NLGN1: variants seen among roughly 807,000 people sequenced by gnomAD.
The protein encoded by NLGN1 is neuroligin 1, also known as neuroligin-1.
A neutral mutation model predicts 65.5 loss-of-function variants in NLGN1; 12 were observed. The observed-to-expected ratio is 0.18, with a 90% CI of 0.12 to 0.30. The LOEUF (loss-of-function observed/expected upper bound fraction) is 0.30. NLGN1 is among the 10% of genes least tolerant of loss of function. The probability of loss-of-function intolerance (pLI) is 1.00; values close to 1 mark genes in which losing one functional copy is unlikely to be tolerated. For synonymous variants in NLGN1, 350 were observed against 359.5 expected (o/e 0.97, Z 0.30); for missense variants, 750 against 1,007.1 (o/e 0.74, Z 3.46).
Position 174,156,918 on chromosome 3 carries a change from C to A in NLGN1, c.647-118397C>A, listed in dbSNP as rs527570293. 1.1e-4 allele frequency among the ~76,000 whole-genome samples: 16 copies of A among 151,128 alleles called. No individual in the cohort carries two copies. In the East Asian group the frequency reaches 3.1e-3, roughly 29 times the overall value. On this transcript the variant is annotated intron_variant, in intron 4 of 6. Transcript: ENST00000457714. ...TATCCCACTATCATTTGCATAGATT[C>A]ATTTTAAATTGCGTGATTTTAAAAA...
At chr3:173,810,179 A>T (rs1045098756) in intron 4 of NLGN1, among the ~76,000 whole-genome samples, 2 of 152,230 alleles carry the variant, frequency 1.3e-5, no homozygotes, top group African/African-American at 4.8e-5. Flanking sequence ...ATTAATTCAT[A>T]AAAAAGAAAT....
In NLGN1 at chr3:173,446,501, T is replaced by C. The variant is rs551686412; in HGVS notation, c.-321+11423T>C. Among the ~76,000 whole-genome samples the C allele has an allele frequency of 2.6e-4, 40 of 152,358 alleles. 1 individual carries two copies. The South Asian group carries it at 7.9e-3, about 30-fold the overall frequency. ...TTGGGTTGGTTCTAAGTCTTTGCTA[T>C]TGTGAATAGTGCCGCAATAAACATA... On this transcript the variant is annotated intron_variant, in intron 2 of 6. Coordinates refer to ENST00000457714, the Ensembl canonical transcript of NLGN1.
rs541183452 is a variant in NLGN1, at chr3:174,144,010, G to A, written c.647-131305G>A. Among the ~76,000 whole-genome samples, 27 of 152,168 alleles carry A rather than the reference G, an allele frequency of 1.8e-4. No homozygotes were observed. The South Asian group carries it at 5.6e-3, about 32-fold the overall frequency. ...TATACACGTGACATGGTGGTTTGCT[G>A]CACCCATCAACCCATCATCTACATT... On this transcript the variant is annotated intron_variant, in intron 4 of 6. Coordinates refer to ENST00000457714, the Ensembl canonical transcript of NLGN1.
chr3:173,509,992 A>G (rs1220471275), intron 2 of NLGN1, among the ~76,000 whole-genome samples: 1 of 152,240 alleles, frequency 6.6e-6, no homozygotes, highest in Non-Finnish European at 1.5e-5. Flanking sequence ...TTCAGTGCAC[A>G]GAACAGCAGT....
chr3:173,751,764 C>T (rs1776329132), intron 3 of NLGN1, among the ~76,000 whole-genome samples: 1 of 151,950 alleles, frequency 6.6e-6, no homozygotes, highest in Admixed American at 6.6e-5. Context: ...ATAGTAATAG[C>T]TACTAAGCAC....
chr3:173,629,856 G>A (rs1440649948), intron 3 of NLGN1, among the ~76,000 whole-genome samples: 2 of 151,978 alleles, frequency 1.3e-5, no homozygotes, highest in Non-Finnish European at 1.5e-5. Flanking sequence ...TATCAGACTT[G>A]TACAATTTTC....
At chr3:174,072,874 C>A (rs982852122) in intron 4 of NLGN1, among the ~76,000 whole-genome samples, 2 of 151,990 alleles carry the variant, frequency 1.3e-5, no homozygotes, top group African/African-American at 4.8e-5. Context: ...ATGTCCATAC[C>A]TATGAAGTAG....
intron 1 of NLGN1, among the ~76,000 whole-genome samples, chr3:173,400,174 A>T (rs555059641): frequency 6.6e-6 from 1 of 152,214 alleles, no homozygotes; most frequent in Non-Finnish European, 1.5e-5. Context: ...TGGATTGTCA[A>T]TAGGAAGATA....
chr3:173,503,002 CA>C (rs1342717614), intron 2 of NLGN1, among the ~76,000 whole-genome samples: 3 of 151,914 alleles, frequency 2.0e-5, no homozygotes, highest in Non-Finnish European at 4.4e-5. Context: ...AGACCTTTTG[CA>C]ACTTATACAG....
In NLGN1 at chr3:174,093,030, C is replaced by A. The variant is rs1744822923; in HGVS notation, c.647-182285C>A. 2.0e-5 allele frequency among the ~76,000 whole-genome samples: 3 copies of A among 152,136 alleles called. No homozygotes were observed. In the South Asian group the frequency reaches 6.2e-4, roughly 32 times the overall value. On this transcript the variant is annotated intron_variant, in intron 4 of 6. Coordinates refer to ENST00000457714, the Ensembl canonical transcript of NLGN1. ...AGCCAGTCCCATGGGCCATACCTAA[C>A]AACAGTGAATGCAAAGAATAAATCA...
At chr3:173,950,160 A>G (rs1747928033) in intron 4 of NLGN1, among the ~76,000 whole-genome samples, 2 of 152,176 alleles carry the variant, frequency 1.3e-5, no homozygotes, top group South Asian at 2.1e-4. Context: ...AATTTATACT[A>G]AAACTTTAAA....
At chr3:174,071,717 CAAAAA>C (rs539244392) in intron 4 of NLGN1, among the ~76,000 whole-genome samples, 1 of 93,012 alleles carries the variant, frequency 1.1e-5, no homozygotes, top group Non-Finnish European at 2.4e-5. Context: ...GACCCTGTCC[CAAAAA>C]AAAAAAAAAA....
chr3:174,146,128 C>A (rs1723205418), intron 4 of NLGN1, among the ~76,000 whole-genome samples: 1 of 149,716 alleles, frequency 6.7e-6, no homozygotes, highest in Non-Finnish European at 1.5e-5. Context: ...TTCCTTCCTT[C>A]CTTCCTTCCT....
intron 4 of NLGN1, among the ~76,000 whole-genome samples, chr3:174,184,140 A>C (rs1329825667): frequency 6.6e-6 from 1 of 152,144 alleles, no homozygotes; most frequent in Non-Finnish European, 1.5e-5. Context: ...AAAAGTCAAT[A>C]ACACTAGACA....
At chr3:174,162,009 T>G (rs756750553) in intron 4 of NLGN1, among the ~76,000 whole-genome samples, 2 of 151,756 alleles carry the variant, frequency 1.3e-5, no homozygotes, top group South Asian at 4.1e-4. Flanking sequence ...CCATCTAATA[T>G]AGGAATCGTC....
At position 174,110,026 on chromosome 3, in the gene NLGN1, CT is replaced by C. The variant is rs200288887; in HGVS notation, c.647-165282del. Among the ~76,000 whole-genome samples the C allele has an allele frequency of 3.6e-3, 549 of 152,078 alleles. 4 individuals are homozygous for C. Among genetic ancestry groups the C allele is most frequent in the African/African-American group, 0.012 (512 of 41,524 alleles). On this transcript the variant is annotated intron_variant, in intron 4 of 6. Coordinates refer to ENST00000457714, the Ensembl canonical transcript of NLGN1. ...GTTGAATTGTGTAGAATGTTCCACA[CT>C]TTTTTTCTTTATTTTCATTATTTTT... is the stretch of plus-strand genomic sequence containing the variant.
chr3:173,615,484 A>T (rs967434562), intron 3 of NLGN1, among the ~76,000 whole-genome samples: 2 of 152,128 alleles, frequency 1.3e-5, no homozygotes, highest in African/African-American at 4.8e-5. Flanking sequence ...TTTGATATGT[A>T]TTAAAATCTC....
intron 4 of NLGN1, among the ~76,000 whole-genome samples, chr3:173,903,217 G>A (rs141021593): frequency 5.3e-5 from 8 of 152,088 alleles, no homozygotes; most frequent in African/African-American, 1.4e-4. Flanking sequence ...AGATCAGATC[G>A]GCAGTAATCC....
intron 4 of NLGN1, among the ~76,000 whole-genome samples, chr3:174,191,481 ACT>A (rs1173513324): frequency 3.9e-5 from 6 of 152,162 alleles, no homozygotes; most frequent in African/African-American, 1.4e-4. Flanking sequence ...TATTTGCTAC[ACT>A]GTTTGTCTCT....
Sources: allele counts gnomAD v4.1 joint callset (sites outside exome capture counted in the v4.1 genomes callset), GRCh38; gene constraint gnomAD v4.1.1; transcripts MANE v1.5; gene names NCBI Gene and HGNC (gene_info 2026-07-23, HGNC 2026-07-21).